Variants in PRKAB2 observed in about 807,000 individuals in gnomAD.
PRKAB2 encodes protein kinase AMP-activated non-catalytic subunit beta 2, also known as 5'-AMP-activated protein kinase subunit beta-2.
Under a neutral mutation model 29.8 loss-of-function variants are expected in PRKAB2, and 18 were observed. The observed-to-expected ratio is 0.60, with a 90% CI of 0.42 to 0.89. The LOEUF (loss-of-function observed/expected upper bound fraction) is 0.89. PRKAB2 is among the 40% of genes least tolerant of loss of function. The probability of loss-of-function intolerance (pLI) is 0.00; values close to 1 mark genes in which losing one functional copy is unlikely to be tolerated. For synonymous variants in PRKAB2, 136 were observed against 125.9 expected, an observed-to-expected ratio of 1.08 and a Z score of -0.54; for missense variants, 270 against 344.3, an observed-to-expected ratio of 0.78 and a Z score of 1.71.
chr1:147,171,153 C>G (rs1553914309), intron 2 of PRKAB2, among the ~76,000 whole-genome samples: 6 of 152,246 alleles, frequency 3.9e-5, no homozygotes, highest in Non-Finnish European at 8.8e-5. Context: ...TCGCTGCTAT[C>G]AGCTCCATCT....
At position 147,164,690 on chromosome 1, in the gene PRKAB2, T is replaced by C. The variant is rs115775116; in HGVS notation, c.538+1808A>G. Among the ~76,000 whole-genome samples, 572 of 152,330 alleles carry C rather than the reference T, an allele frequency of 3.8e-3. 4 individuals carry two copies. The highest frequency in any genetic ancestry group is 5.8e-3 in the Non-Finnish European group (392 of 68,024). ...AATTGGTTATTTGCCTAAAGTTACATACATGGATAGACAGTAAATGAGTGC... is the reference window on the plus strand; with the variant it reads ...AATTGGTTATTTGCCTAAAGTTACACACATGGATAGACAGTAAATGAGTGC... On this transcript the variant is annotated intron_variant, in intron 5 of 7. Transcript: ENST00000254101.
At chr1:147,170,564 C>T (rs782537506) in intron 2 of PRKAB2, among the ~76,000 whole-genome samples, 1 of 152,176 alleles carries the variant, frequency 6.6e-6, no homozygotes, top group Non-Finnish European at 1.5e-5. Flanking sequence ...TCTCACTTCT[C>T]TGTGATTATG....
intron 5 of PRKAB2, among the ~76,000 whole-genome samples, chr1:147,162,854 G>C (rs943222189): frequency 3.3e-5 from 5 of 152,162 alleles, no homozygotes; most frequent in Non-Finnish European, 7.4e-5. Flanking sequence ...ACATGTATCA[G>C]CTGTAGGACC....
chr1:147,160,563 T>C (rs1553912950), intron 7 of PRKAB2, among the ~76,000 whole-genome samples: 25 of 152,150 alleles, frequency 1.6e-4, no homozygotes. Context: ...TACTGTATTA[T>C]CCACCATGAA....
In PRKAB2 at chr1:147,172,070, G is replaced by T. The variant is rs1425441399; in HGVS notation, c.75C>A (p.Gly25=). 19 of 1,574,614 alleles carry T rather than the reference G, an allele frequency of 1.2e-5. No homozygotes were observed. Among genetic ancestry groups the T allele is most frequent in the Non-Finnish European group, 1.6e-5 (18 of 1,160,870 alleles). Residue 25 remains glycine, a synonymous_variant, in exon 2 of 8, where the codon GGC becomes GGA. Transcript: ENST00000254101. The part of the protein sequence containing the change: ...GAKAARSEGA[G]GHAPGKEHKI... The stretch of plus-strand genomic sequence containing the variant: ...TGTGCTCCTTCCCCGGGGCATGGCC[G>T]CCTGCGCCCTCGGAGCGTGCAGCCT...
intron 2 of PRKAB2, among the ~76,000 whole-genome samples, chr1:147,171,075 T>C (rs1654531516): frequency 6.6e-6 from 1 of 152,240 alleles, no homozygotes; most frequent in Non-Finnish European, 1.5e-5. Flanking sequence ...CCAGTCAGTC[T>C]ACCTGGAGGA....
At chr1:147,166,473 G>A (rs781928672) in intron 5 of PRKAB2, 25 bp downstream of exon 5, 1 of 1,608,862 alleles carries the variant, frequency 6.2e-7, no homozygotes. Context: ...GACACAGCAA[G>A]AGAGAGTAAA....
chr1:147,158,535 C>A lies in PRKAB2; in HGVS notation c.*1030G>T, dbSNP rs1234914198. 3.3e-5 allele frequency: 5 copies of A among 151,910 alleles called. No individual in the cohort carries two copies. The highest frequency in any genetic ancestry group is 6.6e-5 in the Admixed American group (1 of 15,248). The allele number at this position is 151,910 out of a possible 1,614,324, so 9.4% of individuals were successfully genotyped here. A position where few individuals can be genotyped will look rare whatever the true frequency, so the allele number is the denominator to read the frequency against. The stretch of plus-strand genomic sequence containing the variant: ...ATCAAAAGCCTGAAATTCTCCAATG[C>A]GGTCTCTTAAGACCAATGAAAAGGC... On this transcript the variant is annotated 3_prime_UTR_variant, in exon 8 of 8. Transcript: ENST00000254101.
Position 147,162,630 on chromosome 1 carries a change from G to T in PRKAB2, c.539-57C>A, listed in dbSNP as rs587772648. On this transcript the variant is annotated intron_variant, in intron 5 of 7. Coordinates refer to ENST00000254101, the MANE Select transcript of PRKAB2 (RefSeq NM_005399.5). ...GTTGGAGAATTAGCAAGAATGCATG[G>T]AAAAAGCTATCAATACATGGCAGCT... is the stretch of plus-strand genomic sequence containing the variant. 9 of 1,510,062 alleles carry T rather than the reference G, an allele frequency of 6.0e-6. No individual in the cohort carries two copies. The African/African-American group carries it at 1.3e-4, about 21-fold the overall frequency. 93.5% of individuals were successfully genotyped at this position (1,510,062 alleles called of 1,614,324 possible). A position where few individuals can be genotyped will look rare whatever the true frequency, so the allele number is the denominator to read the frequency against.
At chr1:147,169,580 G>T (rs929532959) in intron 2 of PRKAB2, among the ~76,000 whole-genome samples, 10 of 151,994 alleles carry the variant, frequency 6.6e-5, no homozygotes, top group Non-Finnish European at 1.3e-4. Flanking sequence ...AAATAACAAA[G>T]AAAAAACCCT....
At position 147,157,788 on chromosome 1, in the gene PRKAB2, G is replaced by A. The variant is rs938048740; in HGVS notation, c.*1777C>T. 1 of 149,542 alleles carries A rather than the reference G, an allele frequency of 6.7e-6. No homozygotes were observed. The highest frequency in any genetic ancestry group is 1.5e-5 in the Non-Finnish European group (1 of 67,682). The allele number at this position is 149,542 out of a possible 1,614,324, so 9.3% of individuals were successfully genotyped here. On this transcript the variant is annotated 3_prime_UTR_variant, in exon 8 of 8. Transcript: ENST00000254101. ...CAAAAAGTGGTTGGGAACATAAAAG[G>A]TTCTCCACAAAAGCCTTTTGCTGCA...
At chr1:147,170,380 G>A (rs1301338198) in intron 2 of PRKAB2, among the ~76,000 whole-genome samples, 1 of 152,078 alleles carries the variant, frequency 6.6e-6, no homozygotes, top group African/African-American at 2.4e-5. Context: ...GTCACAGTTC[G>A]ACAAATACAC....
chr1:147,158,943 G>A lies in PRKAB2; in HGVS notation c.*622C>T, dbSNP rs1653808409. 1 of 152,244 alleles carries A rather than the reference G, an allele frequency of 6.6e-6. No homozygotes were observed. The allele number at this position is 152,244 out of a possible 1,614,324, so 9.4% of individuals were successfully genotyped here. A position where few individuals can be genotyped will look rare whatever the true frequency, so the allele number is the denominator to read the frequency against. ...CAAAGTCACTTACCCAATAAGTTTT[G>A]TGTTAGAGAGGGGTCAGGTATGGGA... is the stretch of plus-strand genomic sequence containing the variant. On this transcript the variant is annotated 3_prime_UTR_variant, in exon 8 of 8. Transcript: ENST00000254101.
chr1:147,166,882 G>A lies in PRKAB2; in HGVS notation c.381C>T (p.Phe127=), dbSNP rs782637823. Residue 127 remains phenylalanine (F), a synonymous_variant, in exon 4 of 8, where the codon TTC becomes TTT. Transcript: ENST00000254101. ...DLPEGEHQYK[F]FVDGQWVHDP... is the part of the protein sequence containing the mutation. ...CATGAACCCACTGTCCATCCACAAA[G>A]AACTTGTATTGGTGCTCTCCCTCAG... The A allele has an allele frequency of 1.9e-6, 3 of 1,614,088 alleles. No homozygotes were observed. The highest frequency in any genetic ancestry group is 4.5e-5 in the East Asian group (2 of 44,870).
intron 7 of PRKAB2, among the ~76,000 whole-genome samples, chr1:147,160,506 C>T (rs970527835): frequency 2.0e-5 from 3 of 152,078 alleles, no homozygotes; most frequent in African/African-American, 7.2e-5. Flanking sequence ...CCCAAAGAAC[C>T]CAAGCAAATC....
Position 147,159,523 on chromosome 1 carries a change from G to C in PRKAB2, c.*42C>G. ...ACTGGTTCAGTCCAGAAATGCAAGGGAGATGCTTCTCCTGAATCCTTAGAG... is the reference window on the plus strand; with the variant it reads ...ACTGGTTCAGTCCAGAAATGCAAGGCAGATGCTTCTCCTGAATCCTTAGAG... On this transcript the variant is annotated 3_prime_UTR_variant, in exon 8 of 8. Transcript: ENST00000254101. 6.4e-7 allele frequency: 1 copy of C among 1,555,260 alleles called. No individual in the cohort carries two copies.
In PRKAB2 at chr1:147,172,432, G is replaced by T; in HGVS notation, c.-27C>A. The T allele has an allele frequency of 2.0e-6, 1 of 499,868 alleles. No individual in the cohort carries two copies. Among genetic ancestry groups the T allele is most frequent in the Non-Finnish European group, 3.5e-6 (1 of 284,646 alleles). 31.0% of individuals were successfully genotyped at this position (499,868 alleles called of 1,614,324 possible). ...GGGGCGCCCCCACTCCAGTCACCTC[G>T]GGCGATGCGCTCCCTCCTCCAAGGG... is the stretch of plus-strand genomic sequence containing the variant. On this transcript the variant is annotated 5_prime_UTR_variant, in exon 1 of 8. Coordinates refer to ENST00000254101, the MANE Select transcript of PRKAB2 (RefSeq NM_005399.5).
intron 2 of PRKAB2, 125 bp downstream of exon 2, chr1:147,171,864 A>G (rs1194164917): frequency 7.9e-7 from 1 of 1,262,696 alleles, no homozygotes; most frequent in Admixed American, 2.3e-5. Flanking sequence ...GTCCCCGATA[A>G]ATCCCTTTAA....
At chr1:147,172,358 C>T (rs1654704596) in intron 1 of PRKAB2, 71 bp downstream of exon 1, 1 of 650,958 alleles carries the variant, frequency 1.5e-6, no homozygotes, top group Non-Finnish European at 2.5e-6. Flanking sequence ...GGCCCTAGCT[C>T]AGGAAACCCG....
Sources: gnomAD v4.1 joint callset for allele counts (sites outside exome capture counted in the v4.1 genomes callset) on GRCh38, gnomAD v4.1.1 for gene constraint, MANE v1.5 for transcripts, NCBI Gene and HGNC (gene_info 2026-07-23, HGNC 2026-07-21) for gene names.